The following KIAA1671 variants were observed in gnomAD, a reference collection of about 807,000 sequenced individuals.
KIAA1671 encodes the protein uncharacterized protein KIAA1671.
KIAA1671 carries 52 observed loss-of-function variants against 131.2 expected under a neutral mutation model. The observed-to-expected ratio is 0.40, with a 90% confidence interval of 0.32 to 0.50. The LOEUF (loss-of-function observed/expected upper bound fraction) is 0.50, where lower values mean the gene tolerates loss of function less well. Ranked by LOEUF, KIAA1671 falls within the 20% of genes least tolerant of loss-of-function variation. KIAA1671 has a pLI of 0.73. For synonymous variants in KIAA1671, 1,003 were observed against 961.6 expected, an observed-to-expected ratio of 1.04 and a Z score of -0.80; for missense variants, 2,360 against 2,364.2, an observed-to-expected ratio of 1.00 and a Z score of 0.04.
In KIAA1671 at chr22:25,170,784, C is replaced by T. The variant is rs1446504364; in HGVS notation, c.4531-36C>T. 1.9e-6 allele frequency: 3 copies of T among 1,544,156 alleles called. No homozygotes were observed. In the South Asian group the frequency reaches 3.6e-5, roughly 18 times the overall value. On this transcript the variant is annotated intron_variant, in intron 6 of 12. Transcript: ENST00000358431. ...CGGGACGGGGGTTCTGAGTACATTTCCTGGTAGAAATCTCACATCTGGCTT... is the reference window on the plus strand; with the variant it reads ...CGGGACGGGGGTTCTGAGTACATTTTCTGGTAGAAATCTCACATCTGGCTT...
At position 25,170,971 on chromosome 22, in the gene KIAA1671, A is replaced by C. The variant is rs1196193306; in HGVS notation, c.4649+33A>C. The C allele has an allele frequency of 2.6e-6, 4 of 1,531,270 alleles. No homozygotes were observed. The Admixed American group carries it at 7.9e-5, about 30-fold the overall frequency. 94.9% of individuals were successfully genotyped at this position (1,531,270 alleles called of 1,614,324 possible). ...GCGTGCGACGGGATTCTGGCTGCAA[A>C]GGGGGCAGCTGGGCTGGAGTTGCTG... On this transcript the variant is annotated intron_variant, in intron 7 of 12. Coordinates refer to ENST00000358431, the MANE Select transcript of KIAA1671 (RefSeq NM_001145206.2).
intron 10 of KIAA1671, among the ~76,000 whole-genome samples, chr22:25,184,097 C>G (rs1934386926): frequency 6.6e-6 from 1 of 152,214 alleles, no homozygotes; most frequent in Non-Finnish European, 1.5e-5. Context: ...ACTTCAATCT[C>G]TACCACAGCA....
intron 6 of KIAA1671, among the ~76,000 whole-genome samples, chr22:25,169,038 G>A (rs777964355): frequency 2.6e-5 from 4 of 152,112 alleles, no homozygotes; most frequent in Admixed American, 6.5e-5. Flanking sequence ...GGAACAGAAC[G>A]TAAGGAGTAA....
intron 6 of KIAA1671, among the ~76,000 whole-genome samples, chr22:25,076,285 C>T (rs1184463503): frequency 6.6e-6 from 1 of 151,996 alleles, no homozygotes; most frequent in Non-Finnish European, 1.5e-5. Context: ...TGGTTGGAAA[C>T]TTAGGTTATT....
chr22:25,093,746 C>CTCTCTT (rs1930181221), intron 6 of KIAA1671, among the ~76,000 whole-genome samples: 4 of 121,422 alleles, frequency 3.3e-5, no homozygotes, highest in East Asian at 2.5e-4. Flanking sequence ...CACTCTCTCT[C>CTCTCTT]TCTCTCTCTC....
intron 6 of KIAA1671, among the ~76,000 whole-genome samples, chr22:25,149,065 C>T (rs1373942075): frequency 6.6e-6 from 1 of 150,796 alleles, no homozygotes; most frequent in East Asian, 1.9e-4. Flanking sequence ...CTTACGAGCA[C>T]CGTAACAATC....
chr22:25,038,676 G>T, intron 4 of KIAA1671, 84 bp from the exon 5 acceptor site: 1 of 1,305,478 alleles, frequency 7.7e-7, no homozygotes, highest in Non-Finnish European at 1.0e-6. Flanking sequence ...TATACAAGCA[G>T]CCCTTTCAAT....
At chr22:25,041,576 G>T in intron 5 of KIAA1671, 51 bp downstream of exon 5, 1 of 1,461,770 alleles carries the variant, frequency 6.8e-7, no homozygotes, top group Non-Finnish European at 9.0e-7. Flanking sequence ...TAAACATCTA[G>T]TCTAGGGGGC....
chr22:25,185,023 C>T lies in KIAA1671; in HGVS notation c.5246C>T (p.Pro1749Leu). The T allele has an allele frequency of 1.3e-6, 2 of 1,551,668 alleles. No individual in the cohort carries two copies. The highest frequency in any genetic ancestry group is 1.7e-4 in the Middle Eastern group (1 of 5,946). The part of the protein sequence containing the change: ...RPEVDSPGET[P>L]SWAPQPKSPK... ...GAGGTGGACAGTCCTGGCGAGACCC[C>T]CAGCTGGGCACCCCAACCCAAGAGC... The change falls in exon 11 of 13, where the codon CCC (proline) becomes CTC (leucine). Residue 1749 changes from proline to leucine, a missense_variant. Pro to Leu is a moderately conservative substitution (Grantham distance 98, BLOSUM62 -3). Around this residue, in one of 3 missense-constraint regions of KIAA1671, gnomAD observed 1,161 missense variants for 1,204.7 expected, o/e 0.96. Transcript: ENST00000358431.
chr22:25,111,980 A>T lies in KIAA1671; in HGVS notation c.4531-58840A>T, dbSNP rs149053981. The T allele has an allele frequency of 7.2e-3, 2,667 of 372,128 alleles. 12 individuals carry two copies. The highest frequency in any genetic ancestry group is 8.6e-3 in the Admixed American group (188 of 21,860). The allele number at this position is 372,128 out of a possible 1,614,324, so 23.1% of individuals were successfully genotyped here. A position where few individuals can be genotyped will look rare whatever the true frequency, so the allele number is the denominator to read the frequency against. ...TCTTAATTCTGAGCGGCACCCGTGG[A>T]TGCAGCCGGCTCCTGGCTCAGGGAT... On this transcript the variant is annotated intron_variant, in intron 6 of 12. Transcript: ENST00000358431.
intron 6 of KIAA1671, among the ~76,000 whole-genome samples, chr22:25,145,960 A>C (rs1362194381): frequency 2.1e-5 from 3 of 145,896 alleles, no homozygotes; most frequent in East Asian, 2.0e-4. Context: ...AAAAAAAAAA[A>C]CAACAACAAG....
chr22:25,071,493 G>C (rs939843585), intron 6 of KIAA1671, among the ~76,000 whole-genome samples: 2 of 151,540 alleles, frequency 1.3e-5, no homozygotes, highest in Non-Finnish European at 2.9e-5. Flanking sequence ...ATAAATGTAA[G>C]GCAACATTGA....
chr22:24,958,173 A>G (rs1751063682), intron 1 of KIAA1671, among the ~76,000 whole-genome samples: 1 of 151,918 alleles, frequency 6.6e-6, no homozygotes, highest in South Asian at 2.1e-4. Flanking sequence ...ATGGCTCCCA[A>G]CACAAGGAGG....
chr22:25,157,500 A>G (rs887913667), intron 6 of KIAA1671, among the ~76,000 whole-genome samples: 1 of 152,194 alleles, frequency 6.6e-6, no homozygotes, highest in African/African-American at 2.4e-5. Context: ...TCTACATTAT[A>G]ATTGTTCTAT....
At chr22:25,012,970 C>T (rs1429230418) in intron 1 of KIAA1671, 1 of 152,248 alleles carries the variant, frequency 6.6e-6, no homozygotes, top group Non-Finnish European at 1.5e-5. Flanking sequence ...CTGCCCCACT[C>T]AGTCTATCCT....
intron 6 of KIAA1671, among the ~76,000 whole-genome samples, chr22:25,106,414 C>T (rs1178943390): frequency 6.6e-6 from 1 of 152,202 alleles, no homozygotes; most frequent in Non-Finnish European, 1.5e-5. Context: ...TTCACAGCAG[C>T]TGACGTGTGT....
At chr22:25,171,400 T>C (rs1933844031) in intron 7 of KIAA1671, among the ~76,000 whole-genome samples, 1 of 148,830 alleles carries the variant, frequency 6.7e-6, no homozygotes, top group South Asian at 2.1e-4. Flanking sequence ...CAAGACTCCG[T>C]CTCAAAAAAA....
intron 6 of KIAA1671, among the ~76,000 whole-genome samples, chr22:25,163,598 C>T (rs1487683530): frequency 1.3e-5 from 2 of 151,514 alleles, no homozygotes; most frequent in African/African-American, 4.8e-5. Flanking sequence ...CACGCCACCA[C>T]GCCCAGCTAA....
intron 6 of KIAA1671, among the ~76,000 whole-genome samples, chr22:25,144,304 A>G (rs1164563266): frequency 6.6e-6 from 1 of 152,082 alleles, no homozygotes; most frequent in Non-Finnish European, 1.5e-5. Flanking sequence ...TCCTCCTCCA[A>G]GTAGCCCACT....
Sources: gnomAD v4.1 joint callset for allele counts (sites outside exome capture counted in the v4.1 genomes callset) on GRCh38, gnomAD v4.1.1 for gene constraint, gnomAD v4.1.1 regional missense constraint, MANE v1.5 for transcripts, NCBI Gene and HGNC (gene_info 2026-07-23, HGNC 2026-07-21) for gene names.